The following ATAD2 variants were observed in gnomAD, a reference collection of about 807,000 sequenced individuals.
ATAD2 encodes ATPase family AAA domain containing 2.
In ATAD2, 62 loss-of-function variants were observed where a neutral mutation model predicts 168.9. That is an observed-to-expected ratio of 0.37 (90% confidence interval 0.30 to 0.45). The LOEUF (loss-of-function observed/expected upper bound fraction) is 0.45, where lower values mean the gene tolerates loss of function less well. ATAD2 is among the 20% of genes least tolerant of loss of function. ATAD2 has a pLI of 1.00. For synonymous variants in ATAD2, 613 were observed against 571.6 expected (o/e 1.07, Z -1.03); for missense variants, 1,419 against 1,667.8 (o/e 0.85, Z 2.60).
intron 1 of ATAD2, among the ~76,000 whole-genome samples, chr8:123,384,037 T>C (rs749663383): frequency 7.4e-5 from 11 of 148,910 alleles, no homozygotes; most frequent in African/African-American, 2.7e-4. Context: ...GCTGAGATCA[T>C]GCCACTGCAC....
In ATAD2 at chr8:123,347,190, A is replaced by G. The variant is rs1218694197; in HGVS notation, c.2114T>C (p.Val705Ala). ...TSPGQALSTV[V>A]KPLLQNTVDK... ...AACAGTGTTTTGCAGGAGTGGTTTC[A>G]CAACGGTGGACAGTGCCTGCCCAGG... is the stretch of plus-strand genomic sequence containing the variant. Residue 705 changes from valine (V) to alanine (A), a missense_variant, in exon 16 of 28, where the codon GTG becomes GCG. This residue lies in a region of ATAD2 where 545 missense variants were observed against 724.9 expected (regional missense o/e 0.75). Coordinates refer to ENST00000287394, the MANE Select transcript of ATAD2 (RefSeq NM_014109.4). 1.2e-6 allele frequency: 2 copies of G among 1,614,222 alleles called. No homozygotes were observed. The highest frequency in any genetic ancestry group is 8.5e-7 in the Non-Finnish European group (1 of 1,180,038).
In ATAD2 at chr8:123,341,101, CTCA is replaced by C. The variant is rs202023826; in HGVS notation, c.2719-1658_2719-1656del. On this transcript the variant is annotated intron_variant, in intron 19 of 27. Transcript: ENST00000287394. ...GGGACTATAGGTGCACACCACCATGCTCATTTTATTCATTTTATAAAAATGGGT... is the reference window on the plus strand; with the variant it reads ...GGGACTATAGGTGCACACCACCATGCTTTTATTCATTTTATAAAAATGGGT... Among the ~76,000 whole-genome samples, 3 of 152,152 alleles carry C rather than the reference CTCA, an allele frequency of 2.0e-5. No homozygotes were observed. In the East Asian group the frequency reaches 5.8e-4, roughly 29 times the overall value.
chr8:123,385,181 T>C (rs1356032878), intron 1 of ATAD2, among the ~76,000 whole-genome samples: 1 of 152,204 alleles, frequency 6.6e-6, no homozygotes, highest in Non-Finnish European at 1.5e-5. Context: ...TCTACTGTTA[T>C]TGATGAGCAT....
At chr8:123,349,979 G>A (rs1828398399) in intron 13 of ATAD2, among the ~76,000 whole-genome samples, 1 of 151,724 alleles carries the variant, frequency 6.6e-6, no homozygotes, top group African/African-American at 2.4e-5. Flanking sequence ...TTGCACCACT[G>A]CATTCCAGCC....
intron 1 of ATAD2, among the ~76,000 whole-genome samples, chr8:123,405,599 G>A (rs1813058174): frequency 6.6e-6 from 1 of 152,172 alleles, no homozygotes; most frequent in Non-Finnish European, 1.5e-5. Flanking sequence ...ATACAAGTAA[G>A]TATGAGCATG....
chr8:123,380,483 C>G, intron 2 of ATAD2, 46 bp downstream of exon 2: 1 of 1,588,564 alleles, frequency 6.3e-7, no homozygotes, highest in Non-Finnish European at 8.6e-7. Context: ...TCCTAAATTA[C>G]TGCTTTAAAA....
chr8:123,394,889 G>C lies in ATAD2; in HGVS notation c.171+1298C>G, dbSNP rs145147872. ...GGAAATTACTTGTCTTTTCAATTCA[G>C]AATCACAATTTCAGAGACTGAAGGG... On this transcript the variant is annotated intron_variant, in intron 1 of 27. Transcript: ENST00000287394. 8.0e-3 allele frequency among the ~76,000 whole-genome samples: 1,216 copies of C among 152,296 alleles called. 17 individuals carry two copies. The highest frequency in any genetic ancestry group is 0.028 in the African/African-American group (1,150 of 41,556).
chr8:123,348,588 A>G (rs1420126243), intron 14 of ATAD2, among the ~76,000 whole-genome samples: 1 of 152,210 alleles, frequency 6.6e-6, no homozygotes, highest in African/African-American at 2.4e-5. Flanking sequence ...GAGGCACGAG[A>G]ATTGCTTGAA....
intron 19 of ATAD2, 72 bp from the exon 20 acceptor site, chr8:123,339,518 C>T: frequency 7.3e-7 from 1 of 1,377,162 alleles, no homozygotes; most frequent in South Asian, 1.4e-5. Context: ...GTTCAATTTA[C>T]AATTTTTAGA....
chr8:123,349,742 C>CA (rs1309744915), intron 13 of ATAD2, among the ~76,000 whole-genome samples: 2 of 151,130 alleles, frequency 1.3e-5, no homozygotes, highest in Non-Finnish European at 3.0e-5. Context: ...TATATAACAT[C>CA]AAAAAGAAAA....
In ATAD2 at chr8:123,371,227, T is replaced by C; in HGVS notation, c.639+9A>G. The C allele has an allele frequency of 3.2e-6, 5 of 1,570,692 alleles. No individual in the cohort carries two copies. Among genetic ancestry groups the C allele is most frequent in the Non-Finnish European group, 4.3e-6 (5 of 1,150,758 alleles). ...TTAAATCATTCCCTTAATGGAAGAA[T>C]ATATTTACTTCTTCTGTTTCATTAA... On this transcript the variant is annotated intron_variant, in intron 5 of 27. Transcript: ENST00000287394.
intron 27 of ATAD2, 152 bp downstream of exon 27, chr8:123,322,786 T>C: frequency 4.6e-6 from 3 of 656,166 alleles, no homozygotes; most frequent in Non-Finnish European, 7.2e-6. Context: ...CTTTATGGAA[T>C]GGGACATCAA....
chr8:123,390,249 C>T (rs118033190), intron 1 of ATAD2, among the ~76,000 whole-genome samples: 1 of 151,942 alleles, frequency 6.6e-6, no homozygotes, highest in Admixed American at 6.6e-5. Flanking sequence ...AAACAAAGTG[C>T]TAGGATTACA....
At chr8:123,389,807 G>T (rs1375265719) in intron 1 of ATAD2, among the ~76,000 whole-genome samples, 1 of 148,444 alleles carries the variant, frequency 6.7e-6, no homozygotes. Flanking sequence ...AAGGATCTAG[G>T]AATCTAGAAT....
intron 21 of ATAD2, among the ~76,000 whole-genome samples, chr8:123,336,771 A>G (rs1827925787): frequency 6.6e-6 from 1 of 152,134 alleles, no homozygotes; most frequent in Non-Finnish European, 1.5e-5. Context: ...TGTATTCTCC[A>G]GTAACAGCCT....
At chr8:123,321,210 T>G (rs1194929814) in intron 27 of ATAD2, 35 bp from the exon 28 acceptor site, 1 of 1,552,176 alleles carries the variant, frequency 6.4e-7, no homozygotes, top group Non-Finnish European at 8.8e-7. Context: ...ATAGTAAGTT[T>G]CAATATGGAA....
intron 23 of ATAD2, 49 bp downstream of exon 23, chr8:123,334,151 T>A (rs201517507): frequency 6.5e-7 from 1 of 1,546,154 alleles, no homozygotes; most frequent in Non-Finnish European, 8.7e-7. Flanking sequence ...TATTCTGAAA[T>A]TCATTGATAA....
In ATAD2 at chr8:123,330,037, G is replaced by A. The variant is rs566944067; in HGVS notation, c.3479-1458C>T. On this transcript the variant is annotated intron_variant, in intron 24 of 27. Coordinates refer to ENST00000287394, the MANE Select transcript of ATAD2 (RefSeq NM_014109.4). ...GGGTCTTGCTCTGTCACCCAGGCTG[G>A]AGTGCTGTGGCATAATCAATAGCTC... Among the ~76,000 whole-genome samples the A allele has an allele frequency of 9.1e-4, 128 of 140,364 alleles. 1 individual carries two copies. The highest frequency in any genetic ancestry group is 3.9e-3 in the Admixed American group (52 of 13,248). 92.1% of individuals were successfully genotyped at this position (140,364 alleles called of 152,430 possible). A position where few individuals can be genotyped will look rare whatever the true frequency, so the allele number is the denominator to read the frequency against.
At chr8:123,416,270 G>C (rs528048512) in exon 1 of ATAD2, 1 of 152,992 alleles carries the variant, frequency 6.5e-6, no homozygotes, top group African/African-American at 2.4e-5. Flanking sequence ...CAGCGCAGAA[G>C]CTCAGCCCCT....
Sources: allele counts gnomAD v4.1 joint callset (sites outside exome capture counted in the v4.1 genomes callset), GRCh38; gene constraint gnomAD v4.1.1; regional missense constraint gnomAD v4.1.1; transcripts MANE v1.5; gene names NCBI Gene and HGNC (gene_info 2026-07-23, HGNC 2026-07-21).